SCARB1: variants seen among roughly 807,000 people sequenced by gnomAD.
The protein encoded by SCARB1 is CD36 and LIMPII analogous 1.
Under a neutral mutation model 57.2 loss-of-function variants are expected in SCARB1, and 30 were observed. The ratio of observed to expected loss-of-function variants is 0.52; its 90% CI spans 0.39 to 0.71. The LOEUF (loss-of-function observed/expected upper bound fraction) is 0.71. SCARB1 is among the 30% of genes least tolerant of loss of function. SCARB1 has a pLI of 0.00. For synonymous variants in SCARB1, 249 were observed against 268.3 expected, an observed-to-expected ratio of 0.93 and a Z score of 0.70; for missense variants, 543 against 671.2, an observed-to-expected ratio of 0.81 and a Z score of 2.11.
rs565400611 is a variant in SCARB1 at position 124,832,407 on chromosome 12, C to T, written c.127-14700G>A. On this transcript the variant is annotated intron_variant, in intron 1 of 12. Transcript: ENST00000261693. ...TGGTGTCAGGCACCTGTGGTCCCAGCTACTTGGGAGGCTGAGGAAGGAGAA... is the reference window on the plus strand; with the variant it reads ...TGGTGTCAGGCACCTGTGGTCCCAGTTACTTGGGAGGCTGAGGAAGGAGAA... 2.0e-5 allele frequency among the ~76,000 whole-genome samples: 3 copies of T among 152,066 alleles called. No individual in the cohort carries two copies. The East Asian group carries it at 5.8e-4, about 29-fold the overall frequency.
intron 1 of SCARB1, among the ~76,000 whole-genome samples, chr12:124,842,637 T>C (rs543295906): frequency 6.6e-6 from 1 of 152,302 alleles, no homozygotes; most frequent in South Asian, 2.1e-4. Flanking sequence ...ACCCTGACTC[T>C]GAAAACAGCC....
At chr12:124,797,930 C>G (rs1950000849) in intron 8 of SCARB1, among the ~76,000 whole-genome samples, 1 of 152,208 alleles carries the variant, frequency 6.6e-6, no homozygotes, top group Non-Finnish European at 1.5e-5. Context: ...ACCAGAACTA[C>G]CATCGGATCA....
intron 1 of SCARB1, among the ~76,000 whole-genome samples, chr12:124,837,583 GA>G (rs1566232309): frequency 0.2 from 12,624 of 61,894 alleles, 1,172 homozygotes; most frequent in Admixed American, 0.24. Flanking sequence ...GAAAAGAAAA[GA>G]AAAGAAAAGA....
At position 124,803,689 on chromosome 12, in the gene SCARB1, C is replaced by CAA. The variant is rs58564503; in HGVS notation, c.1010-3449_1010-3448dup. Among the ~76,000 whole-genome samples the CAA allele has an allele frequency of 5.4e-3, 258 of 47,666 alleles. 9 individuals are homozygous for CAA. The highest frequency in any genetic ancestry group is 9.9e-3 in the African/African-American group (208 of 21,060). 31.3% of individuals were successfully genotyped at this position (47,666 alleles called of 152,430 possible). A position where few individuals can be genotyped will look rare whatever the true frequency, so the allele number is the denominator to read the frequency against. ...GCAAGACGGCACAACCCCACCTCTA[C>CAA]AAAAAAAAAAAAAAAAAAAAAAAAA... On this transcript the variant is annotated intron_variant, in intron 7 of 12. Coordinates refer to ENST00000261693, the MANE Select transcript of SCARB1 (RefSeq NM_005505.5).
Position 124,778,291 on chromosome 12 carries a change from G to A in SCARB1, c.*296C>T. The A allele has an allele frequency of 1.7e-6, 1 of 571,726 alleles. No individual in the cohort carries two copies. Among genetic ancestry groups the A allele is most frequent in the Non-Finnish European group, 2.6e-6 (1 of 384,954 alleles). 35.4% of individuals were successfully genotyped at this position (571,726 alleles called of 1,614,324 possible). On this transcript the variant is annotated 3_prime_UTR_variant, in exon 13 of 13. Coordinates refer to ENST00000261693, the MANE Select transcript of SCARB1 (RefSeq NM_005505.5). ...CAGGACCCACAGCCCCTGTGGTCAG[G>A]CCTGTGGGCCACGTGGAGAGAAGGT... is the stretch of plus-strand genomic sequence containing the variant.
intron 1 of SCARB1, among the ~76,000 whole-genome samples, chr12:124,842,263 C>T (rs1951938038): frequency 1.3e-5 from 2 of 152,198 alleles, no homozygotes. Context: ...GTCACCTGTC[C>T]AGGGGAAACA....
chr12:124,842,492 A>C (rs976815450), intron 1 of SCARB1, among the ~76,000 whole-genome samples: 1 of 152,208 alleles, frequency 6.6e-6, no homozygotes, highest in East Asian at 1.9e-4. Flanking sequence ...CCAGCATCCC[A>C]GTCCCTGTCT....
At chr12:124,858,705 C>T (rs1952744793) in intron 1 of SCARB1, among the ~76,000 whole-genome samples, 1 of 151,942 alleles carries the variant, frequency 6.6e-6, no homozygotes, top group African/African-American at 2.4e-5. Flanking sequence ...CAGTGAAACC[C>T]CGTCTCCACT....
At chr12:124,853,915 A>C (rs1952529252) in intron 1 of SCARB1, among the ~76,000 whole-genome samples, 2 of 152,190 alleles carry the variant, frequency 1.3e-5, no homozygotes, top group Admixed American at 6.6e-5. Flanking sequence ...CCATCCTGTG[A>C]AACAACCCTT....
At chr12:124,790,466 C>T (rs530712343) in intron 9 of SCARB1, among the ~76,000 whole-genome samples, 111 of 152,274 alleles carry the variant, frequency 7.3e-4, no homozygotes, top group Non-Finnish European at 1.3e-3. Flanking sequence ...AAGCTGTAAA[C>T]GGCAAGGCAC....
chr12:124,821,320 C>A lies in SCARB1; in HGVS notation c.127-3613G>T. 3.1e-6 allele frequency: 3 copies of A among 956,546 alleles called. No homozygotes were observed. The South Asian group carries it at 1.5e-4, about 46-fold the overall frequency. The allele number at this position is 956,546 out of a possible 1,614,324, so 59.3% of individuals were successfully genotyped here. ...ATTTCCCTTTGCAGCCTCCCTCTCC[C>A]ACCTGGTTTCTCAGCAGAGGCTGCT... is the stretch of plus-strand genomic sequence containing the variant. On this transcript the variant is annotated intron_variant, in intron 1 of 12. Coordinates refer to ENST00000261693, the MANE Select transcript of SCARB1 (RefSeq NM_005505.5).
intron 9 of SCARB1, among the ~76,000 whole-genome samples, chr12:124,787,777 C>G (rs1309436332): frequency 1.3e-5 from 2 of 151,832 alleles, no homozygotes; most frequent in Non-Finnish European, 2.9e-5. Flanking sequence ...CATCACACAG[C>G]TTTGAACCTG....
intron 1 of SCARB1, among the ~76,000 whole-genome samples, chr12:124,843,626 G>A (rs2135796855): frequency 6.6e-6 from 1 of 152,136 alleles, no homozygotes; most frequent in African/African-American, 2.4e-5. Flanking sequence ...TCAGAATGTG[G>A]CCTTATTTAA....
chr12:124,843,290 T>TC (rs564951567), intron 1 of SCARB1, among the ~76,000 whole-genome samples: 62 of 103,614 alleles, frequency 6.0e-4, no homozygotes, highest in African/African-American at 2.0e-3. Context: ...TCTGTGGAGA[T>TC]GGGGGGGGGG....
chr12:124,838,176 C>A (rs1482234664), intron 1 of SCARB1, among the ~76,000 whole-genome samples: 2 of 152,202 alleles, frequency 1.3e-5, no homozygotes, highest in Non-Finnish European at 2.9e-5. Context: ...CAGCCTAGAC[C>A]ACACAGAAAT....
intron 12 of SCARB1, among the ~76,000 whole-genome samples, chr12:124,780,674 A>G (rs573191249): frequency 2.8e-4 from 42 of 152,330 alleles, no homozygotes; most frequent in African/African-American, 1.0e-3. Flanking sequence ...CAAGTCAAAC[A>G]CTTGTCTCAT....
At position 124,807,841 on chromosome 12, in the gene SCARB1, T is replaced by C. The variant is rs1215344775; in HGVS notation, c.929A>G (p.Asn310Ser). ...RFVAPKTLFANGSIYPPNEGF... is the reference protein window; with the variant it reads ...RFVAPKTLFASGSIYPPNEGF... ...TTCGTTGGGTGGGTAGATGGACCCG[T>C]TGGCAAACAGGGTTTTGGGAGCCAC... The change falls in exon 7 of 13, where the codon AAC becomes AGC. Residue 310 changes from asparagine (N) to serine (S), a missense_variant. Asn to Ser is a conservative substitution (Grantham distance 46, BLOSUM62 1). Coordinates refer to ENST00000261693, the MANE Select transcript of SCARB1 (RefSeq NM_005505.5). The surrounding 1 kb of genome is among the most constrained non-coding windows in gnomAD (Gnocchi z 5.3). The C allele has an allele frequency of 1.2e-6, 2 of 1,614,100 alleles. No homozygotes were observed. Among genetic ancestry groups the C allele is most frequent in the Admixed American group, 3.3e-5 (2 of 60,002 alleles).
At chr12:124,848,722 G>A (rs564068497) in intron 1 of SCARB1, among the ~76,000 whole-genome samples, 19 of 152,218 alleles carry the variant, frequency 1.2e-4, no homozygotes, top group Non-Finnish European at 2.5e-4. Context: ...ACGGCAGAAC[G>A]AGCCGTGGTA....
intron 1 of SCARB1, among the ~76,000 whole-genome samples, chr12:124,860,961 A>G (rs1344668465): frequency 2.0e-5 from 3 of 152,214 alleles, no homozygotes; most frequent in Non-Finnish European, 4.4e-5. Flanking sequence ...ATATATATTA[A>G]TATGTATACA....
Sources: allele counts gnomAD v4.1 joint callset (sites outside exome capture counted in the v4.1 genomes callset), GRCh38; gene constraint gnomAD v4.1.1; non-coding constraint Gnocchi (gnomAD v3.1); transcripts MANE v1.5; gene names NCBI Gene and HGNC (gene_info 2026-07-23, HGNC 2026-07-21).